Variants in RTF2 observed in about 807,000 individuals in gnomAD.
RTF2 encodes the protein replication termination factor 2.
A neutral mutation model predicts 38.0 loss-of-function variants in RTF2; 18 were observed. That is an observed-to-expected ratio of 0.47 (90% CI 0.33 to 0.70). RTF2 has a LOEUF of 0.70. Among genes scored for constraint, RTF2 ranks in the 30% least tolerant of loss-of-function variants. The pLI is 0.02. For synonymous variants in RTF2, 126 were observed against 137.1 expected (o/e 0.92, Z 0.57); for missense variants, 311 against 379.6 (o/e 0.82, Z 1.50).
intron 5 of RTF2, among the ~76,000 whole-genome samples, chr20:56,506,545 C>T (rs552686416): frequency 7.9e-5 from 12 of 152,230 alleles, no homozygotes; most frequent in African/African-American, 2.9e-4. Context: ...TGGCACTTCC[C>T]CTACTGGCCT....
intron 5 of RTF2, among the ~76,000 whole-genome samples, chr20:56,487,343 C>G (rs1982848572): frequency 6.6e-6 from 1 of 152,162 alleles, no homozygotes; most frequent in Non-Finnish European, 1.5e-5. Context: ...CTGTACCTTG[C>G]ACTTCAAGAG....
chr20:56,491,779 G>A, intron 5 of RTF2: 1 of 1,549,280 alleles, frequency 6.5e-7, no homozygotes, highest in Non-Finnish European at 8.7e-7. Flanking sequence ...CTTCGACGTA[G>A]CGGCCTGCAG....
At chr20:56,475,287 A>G (rs1982179837) in intron 3 of RTF2, among the ~76,000 whole-genome samples, 1 of 152,222 alleles carries the variant, frequency 6.6e-6, no homozygotes, top group Non-Finnish European at 1.5e-5. Context: ...GTAATGAAGA[A>G]TTTGAGAACC....
At chr20:56,503,262 C>CT (rs770234630) in intron 5 of RTF2, among the ~76,000 whole-genome samples, 48 of 152,194 alleles carry the variant, frequency 3.2e-4, no homozygotes, top group Non-Finnish European at 6.5e-4. Context: ...CAAAAGCTGT[C>CT]TAACTGTCCA....
intron 1 of RTF2, chr20:56,472,418 A>G: frequency 6.6e-7 from 1 of 1,516,960 alleles, no homozygotes; most frequent in Non-Finnish European, 9.0e-7. Context: ...AATATGATGT[A>G]TGTGAAAATG....
At chr20:56,495,357 A>G in intron 5 of RTF2, 1 of 1,293,824 alleles carries the variant, frequency 7.7e-7, no homozygotes, top group East Asian at 2.5e-5. Context: ...CTTTTAGTAC[A>G]AGTTCTTCTG....
intron 5 of RTF2, among the ~76,000 whole-genome samples, chr20:56,489,218 G>GTTTT (rs1248222611): frequency 1.5e-4 from 12 of 79,234 alleles, no homozygotes; most frequent in African/African-American, 4.5e-4. Flanking sequence ...ACCATGCCTG[G>GTTTT]TTATTTTTTT....
intron 5 of RTF2, among the ~76,000 whole-genome samples, chr20:56,493,414 T>A (rs1170642750): frequency 2.0e-5 from 3 of 152,158 alleles, no homozygotes; most frequent in Non-Finnish European, 2.9e-5. Flanking sequence ...TCTCAGCACT[T>A]TGGGAGGCCA....
At chr20:56,497,212 C>T (rs757120898) in intron 5 of RTF2, 1 of 1,551,726 alleles carries the variant, frequency 6.4e-7, no homozygotes, top group Non-Finnish European at 8.7e-7. Context: ...TTTTGAGGTA[C>T]ATAAATAGCT....
chr20:56,508,163 C>T lies in RTF2; in HGVS notation c.478-5152C>T, dbSNP rs560104259. On this transcript the variant is annotated intron_variant, in intron 5 of 8. Transcript: ENST00000357348. ...CCCTAGAAAAAAAGCTGATCTTAAC[C>T]TGAAAATCACTGTTGGAGACAAGAA... Among the ~76,000 whole-genome samples, 7 of 152,276 alleles carry T rather than the reference C, an allele frequency of 4.6e-5. No individual in the cohort carries two copies. In the East Asian group the frequency reaches 1.4e-3, roughly 29 times the overall value.
chr20:56,483,344 T>C (rs1982620987), intron 4 of RTF2, among the ~76,000 whole-genome samples: 1 of 151,410 alleles, frequency 6.6e-6, no homozygotes, highest in Non-Finnish European at 1.5e-5. Flanking sequence ...TCAATCTCTT[T>C]TTTTTTTTTT....
At chr20:56,504,724 A>G (rs1256864665) in intron 5 of RTF2, among the ~76,000 whole-genome samples, 2 of 151,816 alleles carry the variant, frequency 1.3e-5, no homozygotes, top group African/African-American at 4.8e-5. Context: ...GCTTGCTGGT[A>G]CTCTCTGCAG....
At chr20:56,486,696 A>G (rs1982811228) in intron 5 of RTF2, among the ~76,000 whole-genome samples, 1 of 152,216 alleles carries the variant, frequency 6.6e-6, no homozygotes, top group African/African-American at 2.4e-5. Context: ...GTTAAAATTA[A>G]GCAGAAACAA....
chr20:56,472,507 G>A lies in RTF2; in HGVS notation c.70-794G>A, dbSNP rs1399096077. ...GTTTGATGTATCCCTTAGTGAATAAGCCCCAAAACACTTATTTCTGTTAAA... is the reference window on the plus strand; with the variant it reads ...GTTTGATGTATCCCTTAGTGAATAAACCCCAAAACACTTATTTCTGTTAAA... On this transcript the variant is annotated intron_variant, in intron 1 of 8. Transcript: ENST00000357348. 4 of 666,596 alleles carry A rather than the reference G, an allele frequency of 6.0e-6. No individual in the cohort carries two copies. The African/African-American group carries it at 7.3e-5, about 12-fold the overall frequency. 41.3% of individuals were successfully genotyped at this position (666,596 alleles called of 1,614,324 possible).
At chr20:56,501,908 G>A (rs1357537968) in intron 5 of RTF2, among the ~76,000 whole-genome samples, 1 of 152,114 alleles carries the variant, frequency 6.6e-6, no homozygotes, top group Admixed American at 6.5e-5. Context: ...GTGTGTGAGA[G>A]CATTTCAAGG....
chr20:56,472,284 T>C (rs761091781), intron 1 of RTF2: 3 of 1,072,718 alleles, frequency 2.8e-6, no homozygotes, highest in Non-Finnish European at 4.1e-6. Flanking sequence ...TCTTTTCTCT[T>C]CCTATTTTCT....
At chr20:56,478,976 C>A (rs1568693307) in intron 4 of RTF2, among the ~76,000 whole-genome samples, 1 of 152,204 alleles carries the variant, frequency 6.6e-6, no homozygotes, top group Non-Finnish European at 1.5e-5. Flanking sequence ...AAACCACTTT[C>A]TTTGCTCATC....
At chr20:56,474,495 A>C (rs751312435) in intron 2 of RTF2, among the ~76,000 whole-genome samples, 183 bp from the exon 3 acceptor site, 3 of 152,200 alleles carry the variant, frequency 2.0e-5, no homozygotes, top group Non-Finnish European at 4.4e-5. Context: ...TAAATAAATA[A>C]ATAATTTCCT....
intron 5 of RTF2, chr20:56,491,770 T>G: frequency 6.4e-7 from 1 of 1,551,244 alleles, no homozygotes; most frequent in Non-Finnish European, 8.7e-7. Flanking sequence ...CGCAGATGTC[T>G]TCGACGTAGC....
Sources: allele counts gnomAD v4.1 joint callset (sites outside exome capture counted in the v4.1 genomes callset), GRCh38; gene constraint gnomAD v4.1.1; transcripts MANE v1.5; gene names NCBI Gene and HGNC (gene_info 2026-07-23, HGNC 2026-07-21).